TRAPPC9: variants seen among roughly 807,000 people sequenced by gnomAD.
TRAPPC9 encodes the protein trafficking protein particle complex subunit 9.
In TRAPPC9, 83 loss-of-function variants were observed where a neutral mutation model predicts 124.0. The observed-to-expected ratio is 0.67, with a 90% CI of 0.56 to 0.80. The LOEUF (loss-of-function observed/expected upper bound fraction) is 0.80, where lower values mean the gene tolerates loss of function less well. Among genes scored for constraint, TRAPPC9 ranks in the 30% least tolerant of loss-of-function variants. TRAPPC9 has a pLI of 0.00. For synonymous variants in TRAPPC9, 638 were observed against 617.5 expected (o/e 1.03, Z -0.49); for missense variants, 1,302 against 1,508.3 (o/e 0.86, Z 2.27).
intron 19 of TRAPPC9, among the ~76,000 whole-genome samples, chr8:139,966,134 T>C (rs1835690983): frequency 6.6e-6 from 1 of 151,978 alleles, no homozygotes; most frequent in Admixed American, 6.6e-5. Flanking sequence ...GTATGAGAGG[T>C]GGGGGCAGAA....
intron 21 of TRAPPC9, among the ~76,000 whole-genome samples, chr8:139,761,865 G>C (rs927149135): frequency 1.3e-5 from 2 of 151,574 alleles, no homozygotes; most frequent in African/African-American, 4.8e-5. Flanking sequence ...CTGCCTGCAC[G>C]TGTGCATCTG....
intron 21 of TRAPPC9, among the ~76,000 whole-genome samples, chr8:139,798,160 T>C (rs890156947): frequency 6.6e-6 from 1 of 152,244 alleles, no homozygotes; most frequent in African/African-American, 2.4e-5. Flanking sequence ...ATTTGGGTTT[T>C]TTAAAATGTC....
intron 19 of TRAPPC9, among the ~76,000 whole-genome samples, chr8:139,941,688 T>A (rs1833931980): frequency 6.6e-6 from 1 of 152,196 alleles, no homozygotes; most frequent in African/African-American, 2.4e-5. Context: ...TGACTGTAAC[T>A]GTGGCAAGCC....
intron 19 of TRAPPC9, among the ~76,000 whole-genome samples, chr8:139,925,780 C>G (rs1191651495): frequency 1.4e-5 from 2 of 148,142 alleles, no homozygotes; most frequent in African/African-American, 5.0e-5. Context: ...CCTCAGAAAA[C>G]AGAACTGGGG....
intron 5 of TRAPPC9, among the ~76,000 whole-genome samples, chr8:140,423,677 C>T (rs1025104954): frequency 2.0e-5 from 3 of 150,816 alleles, no homozygotes; most frequent in Non-Finnish European, 4.4e-5. Flanking sequence ...TACACATATA[C>T]ACATATATAC....
intron 17 of TRAPPC9, among the ~76,000 whole-genome samples, chr8:140,211,009 A>C (rs577503465): frequency 2.5e-4 from 37 of 151,014 alleles, no homozygotes; most frequent in Admixed American, 1.5e-3. Context: ...TGTATATCCT[A>C]GGGTTTTTTT....
intron 7 of TRAPPC9, among the ~76,000 whole-genome samples, chr8:140,382,554 C>T (rs562113526): frequency 2.0e-4 from 31 of 152,184 alleles, no homozygotes; most frequent in Non-Finnish European, 3.4e-4. Context: ...CACGGAGCCT[C>T]GCTCATTGCT....
At chr8:140,267,384 A>C (rs1040232802) in intron 15 of TRAPPC9, among the ~76,000 whole-genome samples, 1 of 152,220 alleles carries the variant, frequency 6.6e-6, no homozygotes, top group Non-Finnish European at 1.5e-5. Flanking sequence ...TTGTCCCAAG[A>C]GCTTTCCCCA....
intron 19 of TRAPPC9, among the ~76,000 whole-genome samples, chr8:139,983,373 T>C (rs893288213): frequency 6.6e-6 from 1 of 152,292 alleles, no homozygotes; most frequent in African/African-American, 2.4e-5. Flanking sequence ...AGCATTTCCA[T>C]ATTCTCATCA....
Position 139,802,175 on chromosome 8 carries a change from G to T in TRAPPC9, c.3056-69973C>A, listed in dbSNP as rs191883790. On this transcript the variant is annotated intron_variant, in intron 21 of 22. Transcript: ENST00000438773. ...TGAGCACACCCTCTGTGCCAGGCGG[G>T]GAGCAAGCAGGGTGGAGAATCTGGC... is the stretch of plus-strand genomic sequence containing the variant. Among the ~76,000 whole-genome samples, 1,444 of 152,306 alleles carry T rather than the reference G, an allele frequency of 9.5e-3. 8 individuals are homozygous for T. Among genetic ancestry groups the T allele is most frequent in the Middle Eastern group, 0.017 (5 of 294 alleles).
intron 20 of TRAPPC9, among the ~76,000 whole-genome samples, chr8:139,898,527 G>A (rs1031822621): frequency 3.3e-5 from 5 of 152,184 alleles, no homozygotes; most frequent in South Asian, 2.1e-4. Context: ...TTGTGTCCGG[G>A]AAGATTTACT....
In TRAPPC9 at chr8:140,439,055, C is replaced by CA; in HGVS notation, c.726dup (p.Gly243TrpfsTer37). ...CATCTTCATCAGCTCATCTTACCTCCAAGCCACAGAAAGTCATTCACAGAA... is the reference window on the plus strand; with the variant it reads ...CATCTTCATCAGCTCATCTTACCTCCAAAGCCACAGAAAGTCATTCACAGAA... On this transcript the variant is annotated frameshift_variant, in exon 3 of 23. Coordinates refer to ENST00000438773, the MANE Select transcript of TRAPPC9 (RefSeq NM_001160372.4). LOFTEE classifies it high-confidence loss of function. 6.2e-7 allele frequency: 1 copy of CA among 1,614,124 alleles called. No individual in the cohort carries two copies. Among genetic ancestry groups the CA allele is most frequent in the East Asian group, 2.2e-5 (1 of 44,878 alleles).
chr8:140,166,057 T>C (rs1207683427), intron 17 of TRAPPC9, among the ~76,000 whole-genome samples: 4 of 152,158 alleles, frequency 2.6e-5, no homozygotes, highest in Admixed American at 1.3e-4. Flanking sequence ...CGCAGCACAC[T>C]CTGCATATGT....
chr8:139,817,045 AACACACAC>A (rs1228353322), intron 21 of TRAPPC9, among the ~76,000 whole-genome samples: 11 of 135,286 alleles, frequency 8.1e-5, no homozygotes, highest in East Asian at 2.4e-4. Context: ...ACATAAACTA[AACACACAC>A]ACACACACAC....
intron 21 of TRAPPC9, among the ~76,000 whole-genome samples, chr8:139,871,894 G>C (rs954567234): frequency 7.2e-5 from 11 of 152,142 alleles, no homozygotes; most frequent in Admixed American, 3.3e-4. Context: ...TGGATGAATG[G>C]ATGGGTGAGT....
At chr8:140,196,040 TA>T (rs1346624619) in intron 17 of TRAPPC9, among the ~76,000 whole-genome samples, 2 of 132,334 alleles carry the variant, frequency 1.5e-5, no homozygotes, top group Non-Finnish European at 3.2e-5. Flanking sequence ...CCTGTGACAC[TA>T]AAACACATTG....
chr8:140,369,644 T>G (rs1015887307), intron 8 of TRAPPC9, among the ~76,000 whole-genome samples: 1 of 152,098 alleles, frequency 6.6e-6, no homozygotes, highest in Non-Finnish European at 1.5e-5. Flanking sequence ...TGGATGGACA[T>G]GACCACATAA....
At position 140,125,615 on chromosome 8, in the gene TRAPPC9, G is replaced by A. The variant is rs1587759755; in HGVS notation, c.2556+95844C>T. Among the ~76,000 whole-genome samples, 20 of 79,434 alleles carry A rather than the reference G, an allele frequency of 2.5e-4. No individual in the cohort carries two copies. The South Asian group carries it at 7.3e-3, about 29-fold the overall frequency. 52.1% of individuals were successfully genotyped at this position (79,434 alleles called of 152,430 possible). On this transcript the variant is annotated intron_variant, in intron 17 of 22. Transcript: ENST00000438773. ...TTTTTTTTTTTTTTTTTTTTTTTGA[G>A]ATGGAGCCTCGCTCTGTCACCCAGG...
intron 21 of TRAPPC9, among the ~76,000 whole-genome samples, chr8:139,884,259 G>A (rs948296266): frequency 7.2e-5 from 11 of 151,804 alleles, no homozygotes; most frequent in East Asian, 2.0e-4. Flanking sequence ...ACTTCTCCCC[G>A]CTCAGCCTTG....
Sources: allele counts gnomAD v4.1 joint callset (sites outside exome capture counted in the v4.1 genomes callset), GRCh38; gene constraint gnomAD v4.1.1; transcripts MANE v1.5; gene names NCBI Gene and HGNC (gene_info 2026-07-23, HGNC 2026-07-21).